CATSPER3: variants seen among roughly 807,000 people sequenced by gnomAD.
The protein encoded by CATSPER3 is cation channel sperm-associated protein 3.
CATSPER3 carries 23 observed loss-of-function variants against 36.6 expected under a neutral mutation model. The observed-to-expected ratio is 0.63, with a 90% CI of 0.45 to 0.89. The LOEUF (loss-of-function observed/expected upper bound fraction) is 0.89. CATSPER3 is among the 40% of genes least tolerant of loss of function. The probability of loss-of-function intolerance (pLI) is 0.00; values close to 1 mark genes in which losing one functional copy is unlikely to be tolerated. For missense variants in CATSPER3, 474 were observed against 503.9 expected (o/e 0.94, Z 0.57); for synonymous variants, 172 against 184.1 (o/e 0.93, Z 0.53).
chr5:134,998,958 C>A (rs1383404307), intron 3 of CATSPER3, among the ~76,000 whole-genome samples: 1 of 152,146 alleles, frequency 6.6e-6, no homozygotes, highest in African/African-American at 2.4e-5. Context: ...GTTGCCCTTG[C>A]TTTTGGTGTT....
intron 2 of CATSPER3, among the ~76,000 whole-genome samples, chr5:134,991,442 G>A (rs920372345): frequency 6.6e-6 from 1 of 152,180 alleles, no homozygotes; most frequent in Non-Finnish European, 1.5e-5. Flanking sequence ...CAATAGGATA[G>A]ACATATAGAC....
chr5:135,006,787 G>A (rs10043187), intron 3 of CATSPER3, among the ~76,000 whole-genome samples: 16,029 of 148,386 alleles, frequency 0.11, 2,846 homozygotes, highest in African/African-American at 0.37. Flanking sequence ...GCAGTGAGCC[G>A]AGATTGCGCC....
chr5:134,986,971 GAA>G (rs1046818600), intron 2 of CATSPER3, among the ~76,000 whole-genome samples: 1 of 152,050 alleles, frequency 6.6e-6, no homozygotes, highest in Non-Finnish European at 1.5e-5. Context: ...ACGAGAAAAA[GAA>G]GAGCAGATAA....
intron 3 of CATSPER3, among the ~76,000 whole-genome samples, chr5:135,007,441 G>A (rs562436181): frequency 1.3e-5 from 2 of 152,282 alleles, no homozygotes; most frequent in East Asian, 3.9e-4. Context: ...CACTTCATAC[G>A]GGGCAAGACT....
Position 135,007,948 on chromosome 5 carries a change from G to A in CATSPER3, c.493-9G>A. ...TACCCTCGCCTACCACAGTGTCCCT[G>A]CCTTGCAGACGCTGATCACCGCCGT... On this transcript the variant is annotated splice_polypyrimidine_tract_variant and intron_variant, in intron 3 of 7. Transcript: ENST00000282611. 1 of 1,613,452 alleles carries A rather than the reference G, an allele frequency of 6.2e-7. No homozygotes were observed. Among genetic ancestry groups the A allele is most frequent in the Non-Finnish European group, 8.5e-7 (1 of 1,179,906 alleles).
intron 3 of CATSPER3, among the ~76,000 whole-genome samples, chr5:135,001,912 AT>A (rs1752024428): frequency 6.6e-6 from 1 of 152,102 alleles, no homozygotes; most frequent in African/African-American, 2.4e-5. Context: ...TTGACTCTTT[AT>A]CCAATTTGCC....
At position 135,008,039 on chromosome 5, in the gene CATSPER3, C is replaced by T. The variant is rs1752113065; in HGVS notation, c.575C>T (p.Ala192Val). 1.2e-6 allele frequency: 2 copies of T among 1,614,134 alleles called. No individual in the cohort carries two copies. The highest frequency in any genetic ancestry group is 1.3e-5 in the African/African-American group (1 of 75,072). Residue 192 changes from alanine (A) to valine (V), a missense_variant, in exon 4 of 8, where the codon GCT becomes GTT. Coordinates refer to ENST00000282611, the MANE Select transcript of CATSPER3 (RefSeq NM_178019.3). ...LLLFLLMYIFAILGFCLFGSP... is the reference protein window; with the variant it reads ...LLLFLLMYIFVILGFCLFGSP... ...CTCTTCCTCCTCATGTACATCTTCG[C>T]TATCTTGGGCTTCTGCCTGTTTGGA...
chr5:134,969,178 T>C (rs1307569151), intron 1 of CATSPER3: 1 of 152,226 alleles, frequency 6.6e-6, no homozygotes, highest in East Asian at 1.9e-4. Context: ...AATACTGAGA[T>C]AGACATGTTT....
intron 2 of CATSPER3, among the ~76,000 whole-genome samples, chr5:134,991,532 A>G (rs1353873550): frequency 6.6e-6 from 1 of 152,230 alleles, no homozygotes; most frequent in Non-Finnish European, 1.5e-5. Flanking sequence ...GGTCAAGACC[A>G]TTCAATGGGG....
chr5:134,994,678 A>C (rs1751921848), intron 2 of CATSPER3, among the ~76,000 whole-genome samples: 1 of 152,172 alleles, frequency 6.6e-6, no homozygotes, highest in African/African-American at 2.4e-5. Context: ...CTGAGATTAA[A>C]ATTCAAAGTC....
At chr5:135,008,183 G>A in intron 4 of CATSPER3, 44 bp downstream of exon 4, 1 of 1,538,844 alleles carries the variant, frequency 6.5e-7, no homozygotes, top group Non-Finnish European at 9.0e-7. Context: ...GCCTTAGGAA[G>A]GGACAGCCTA....
intron 2 of CATSPER3, among the ~76,000 whole-genome samples, chr5:134,993,930 G>T (rs1264055230): frequency 6.6e-6 from 1 of 152,184 alleles, no homozygotes; most frequent in Non-Finnish European, 1.5e-5. Flanking sequence ...TTCGAGATCA[G>T]CCTGGCCAAC....
At chr5:135,008,471 C>T (rs1035387606) in intron 4 of CATSPER3, among the ~76,000 whole-genome samples, 1 of 152,080 alleles carries the variant, frequency 6.6e-6, no homozygotes, top group African/African-American at 2.4e-5. Context: ...AATTGGCTGT[C>T]ACAAATCCAC....
chr5:134,987,425 A>G (rs1229981502), intron 2 of CATSPER3, among the ~76,000 whole-genome samples: 1 of 152,216 alleles, frequency 6.6e-6, no homozygotes, highest in African/African-American at 2.4e-5. Context: ...GATTAACACC[A>G]ATTCTTCCCA....
intron 3 of CATSPER3, among the ~76,000 whole-genome samples, chr5:135,002,853 T>C (rs568721654): frequency 1.5e-4 from 23 of 152,324 alleles, no homozygotes; most frequent in Middle Eastern, 3.4e-3. Flanking sequence ...TAGCCATTTG[T>C]CTAATCTTTT....
chr5:135,002,583 G>A (rs1187319049), intron 3 of CATSPER3, among the ~76,000 whole-genome samples: 5 of 152,160 alleles, frequency 3.3e-5, no homozygotes, highest in Non-Finnish European at 7.3e-5. Context: ...CATTCTCCCT[G>A]TCACTTTCAG....
At chr5:134,982,817 T>G (rs1403934986) in intron 2 of CATSPER3, among the ~76,000 whole-genome samples, 1 of 152,240 alleles carries the variant, frequency 6.6e-6, no homozygotes, top group Non-Finnish European at 1.5e-5. Context: ...TATTTTGATT[T>G]GTAACTCTTT....
At chr5:135,007,805 CCCA>C in intron 3 of CATSPER3, 149 bp from the exon 4 acceptor site, 4 of 47,930 alleles carry the variant, frequency 8.3e-5, no homozygotes, top group African/African-American at 1.0e-4. Context: ...AACCAACCAA[CCCA>C]CCCACCCACC....
chr5:134,968,808 G>GA (rs984482225), intron 1 of CATSPER3: 3 of 152,034 alleles, frequency 2.0e-5, no homozygotes, highest in Admixed American at 1.3e-4. Context: ...CGTACTCTGA[G>GA]AAAAATTGCA....
Sources: gnomAD v4.1 joint callset for allele counts (sites outside exome capture counted in the v4.1 genomes callset) on GRCh38, gnomAD v4.1.1 for gene constraint, MANE v1.5 for transcripts, NCBI Gene and HGNC (gene_info 2026-07-23, HGNC 2026-07-21) for gene names.